Variants in TTC6 observed in about 807,000 individuals in gnomAD.
TTC6 encodes tetratricopeptide repeat domain 6, also known as tetratricopeptide repeat protein 6.
In TTC6, 172 loss-of-function variants were observed where a neutral mutation model predicts 210.4. That is an observed-to-expected ratio of 0.82 (90% CI 0.72 to 0.93). The LOEUF (loss-of-function observed/expected upper bound fraction) is 0.93, where lower values mean the gene tolerates loss of function less well. Among genes scored for constraint, TTC6 ranks in the 40% least tolerant of loss-of-function variants. TTC6 has a pLI of 0.00. For synonymous variants in TTC6, 804 were observed against 819.6 expected (o/e 0.98, Z 0.32); for missense variants, 2,414 against 2,318.1 (o/e 1.04, Z -0.85).
chr14:37,757,343 C>A (rs1015533915), intron 14 of TTC6, among the ~76,000 whole-genome samples: 1 of 152,086 alleles, frequency 6.6e-6, no homozygotes, highest in Non-Finnish European at 1.5e-5. Context: ...TCACTGCAAG[C>A]TCCGCCTCCC....
chr14:37,603,668 GCCT>G (rs929662080), intron 1 of TTC6, among the ~76,000 whole-genome samples: 28 of 152,326 alleles, frequency 1.8e-4, no homozygotes, highest in Non-Finnish European at 3.2e-4. Context: ...CCCAGGCAAA[GCCT>G]CCTCAGCGAG....
chr14:37,790,156 T>G (rs1334690421), intron 15 of TTC6, among the ~76,000 whole-genome samples: 1 of 152,080 alleles, frequency 6.6e-6, no homozygotes, highest in Non-Finnish European at 1.5e-5. Flanking sequence ...GGGATGTGCA[T>G]AGTCAAGCCG....
At chr14:37,842,344 G>A (rs904567307) in exon 31 of TTC6, 6 of 1,406,386 alleles carry the variant, frequency 4.3e-6, no homozygotes, top group South Asian at 1.8e-5. Context: ...TCTCTGAAAC[G>A]GAAACATATT....
intron 10 of TTC6, among the ~76,000 whole-genome samples, chr14:37,739,881 G>C (rs1271695820): frequency 1.3e-5 from 2 of 151,598 alleles, no homozygotes; most frequent in Admixed American, 1.3e-4. Context: ...AGATAATTTT[G>C]GGCCCGGTGC....
intron 1 of TTC6, among the ~76,000 whole-genome samples, chr14:37,628,788 G>A (rs1014238754): frequency 1.3e-5 from 2 of 152,132 alleles, no homozygotes; most frequent in African/African-American, 4.8e-5. Flanking sequence ...TTTGTATAAG[G>A]TGCAAGGAAG....
intron 14 of TTC6, among the ~76,000 whole-genome samples, chr14:37,774,139 A>G (rs573386124): frequency 9.9e-5 from 15 of 152,244 alleles, no homozygotes; most frequent in Admixed American, 4.6e-4. Flanking sequence ...GAAGTTGTTT[A>G]TTAGATCAAT....
intron 1 of TTC6, among the ~76,000 whole-genome samples, chr14:37,597,786 C>T (rs768622069): frequency 3.9e-5 from 6 of 152,110 alleles, no homozygotes; most frequent in African/African-American, 1.2e-4. Context: ...CCGGGGAGCA[C>T]CGCCAGGCGA....
At chr14:37,788,444 T>C (rs2096072669) in intron 15 of TTC6, among the ~76,000 whole-genome samples, 1 of 152,164 alleles carries the variant, frequency 6.6e-6, no homozygotes, top group Non-Finnish European at 1.5e-5. Flanking sequence ...GCTAAGGTGA[T>C]AGTTACTTGA....
intron 1 of TTC6, among the ~76,000 whole-genome samples, chr14:37,623,857 A>G (rs1050993988): frequency 6.6e-6 from 1 of 152,230 alleles, no homozygotes; most frequent in Non-Finnish European, 1.5e-5. Flanking sequence ...TGTCCATTAT[A>G]CAGACTTTGC....
chr14:37,680,757 G>A (rs2095781681), intron 2 of TTC6, among the ~76,000 whole-genome samples: 1 of 152,066 alleles, frequency 6.6e-6, no homozygotes, highest in African/African-American at 2.4e-5. Flanking sequence ...TATTCCTTGT[G>A]AATGGAAAGT....
At chr14:37,741,835 C>T (rs71407732) in intron 10 of TTC6, among the ~76,000 whole-genome samples, 6,788 of 152,212 alleles carry the variant, frequency 0.045, 231 homozygotes, top group Non-Finnish European at 0.07. Flanking sequence ...TGTTGCTTCC[C>T]TCCTCAGCTA....
At chr14:37,759,728 T>A (rs1402794354) in intron 14 of TTC6, among the ~76,000 whole-genome samples, 1 of 152,230 alleles carries the variant, frequency 6.6e-6, no homozygotes, top group Non-Finnish European at 1.5e-5. Flanking sequence ...AATCTTGTCT[T>A]CACATCTTAC....
chr14:37,772,094 G>A (rs916267395), intron 14 of TTC6, among the ~76,000 whole-genome samples: 2 of 152,170 alleles, frequency 1.3e-5, no homozygotes, highest in Non-Finnish European at 2.9e-5. Context: ...CTGCTGGGGG[G>A]TGCCTCCCAG....
chr14:37,665,609 A>G (rs2095746437), intron 1 of TTC6, among the ~76,000 whole-genome samples: 1 of 150,574 alleles, frequency 6.6e-6, no homozygotes, highest in Admixed American at 6.6e-5. Context: ...GTTTACCTGT[A>G]TAACAAACCT....
intron 1 of TTC6, among the ~76,000 whole-genome samples, chr14:37,646,923 A>G (rs558773871): frequency 6.6e-6 from 1 of 152,300 alleles, no homozygotes; most frequent in Admixed American, 6.5e-5. Flanking sequence ...TCATCTATTT[A>G]TGAAACTTTT....
chr14:37,660,043 C>T (rs373623838), intron 1 of TTC6, among the ~76,000 whole-genome samples: 12 of 151,880 alleles, frequency 7.9e-5, no homozygotes, highest in African/African-American at 1.2e-4. Flanking sequence ...TTCTCTCATT[C>T]GGTAGGTTGT....
exon 22 of TTC6, chr14:37,806,377 C>T: frequency 6.5e-7 from 1 of 1,535,168 alleles, no homozygotes; most frequent in Non-Finnish European, 8.7e-7. Flanking sequence ...GATTCTTTTA[C>T]AAAAGCTGTG....
intron 5 of TTC6, among the ~76,000 whole-genome samples, chr14:37,713,103 A>C (rs1363001735): frequency 6.6e-6 from 1 of 152,192 alleles, no homozygotes; most frequent in East Asian, 1.9e-4. Flanking sequence ...TTACTGTCAC[A>C]GCTTTGGACT....
At chr14:37,753,414 G>A (rs2139049764) in intron 14 of TTC6, among the ~76,000 whole-genome samples, 179 bp downstream of exon 16, 1 of 152,084 alleles carries the variant, frequency 6.6e-6, no homozygotes, top group East Asian at 1.9e-4. Context: ...AATTTAATGG[G>A]CATAAATGAC....
Sources: allele counts gnomAD v4.1 joint callset (sites outside exome capture counted in the v4.1 genomes callset), GRCh38; gene constraint gnomAD v4.1.1; transcripts MANE v1.5; gene names NCBI Gene and HGNC (gene_info 2026-07-23, HGNC 2026-07-21).